MAP3K13: variants seen among roughly 807,000 people sequenced by gnomAD.
MAP3K13 encodes the protein mitogen-activated protein kinase kinase kinase 13, also known as leucine zipper-bearing kinase.
A neutral mutation model predicts 104.0 loss-of-function variants in MAP3K13; 52 were observed. That is an observed-to-expected ratio of 0.50 (90% CI 0.40 to 0.63). The LOEUF is 0.63. Among genes scored for constraint, MAP3K13 ranks in the 20% least tolerant of loss-of-function variants. MAP3K13 has a pLI of 0.00. For missense variants in MAP3K13, 914 were observed against 1,218.5 expected, an observed-to-expected ratio of 0.75 and a Z score of 3.72; for synonymous variants, 394 against 442.2, an observed-to-expected ratio of 0.89 and a Z score of 1.37.
chr3:185,454,615 T>TATATATGAGATATATATATGATATATAG (rs1560117022), intron 7 of MAP3K13, among the ~76,000 whole-genome samples: 1 of 46,906 alleles, frequency 2.1e-5, no homozygotes, highest in Non-Finnish European at 4.3e-5. Context: ...ATATATATGA[T>TATATATGAGATATATATATGATATATAG]ATATATATGA....
At chr3:185,455,696 TATATATGAGATATATATGAG>T (rs1716623668) in intron 7 of MAP3K13, among the ~76,000 whole-genome samples, 1 of 18,972 alleles carries the variant, frequency 5.3e-5, no homozygotes, top group East Asian at 1.4e-3. Flanking sequence ...ATATATGATA[TATATATGAGATATATATGAG>T]ATATATATGA....
chr3:185,311,638 C>T (rs916792509), intron 2 of MAP3K13, among the ~76,000 whole-genome samples: 1 of 152,158 alleles, frequency 6.6e-6, no homozygotes, highest in Non-Finnish European at 1.5e-5. Context: ...CTCAGAGTCC[C>T]CCAAATTGGT....
chr3:185,449,830 TA>T, intron 5 of MAP3K13, 69 bp from the exon 6 acceptor site: 1 of 1,378,676 alleles, frequency 7.3e-7, no homozygotes, highest in Non-Finnish European at 9.7e-7. Flanking sequence ...TGATTTCAAT[TA>T]ATAGAGAACT....
intron 2 of MAP3K13, among the ~76,000 whole-genome samples, chr3:185,349,331 T>C (rs895983054): frequency 2.6e-5 from 4 of 152,144 alleles, no homozygotes; most frequent in African/African-American, 7.2e-5. Flanking sequence ...TGTGTCCCCA[T>C]TGTTTAGCTC....
intron 1 of MAP3K13, among the ~76,000 whole-genome samples, chr3:185,414,952 G>A (rs762925221): frequency 3.3e-5 from 5 of 151,932 alleles, no homozygotes; most frequent in Non-Finnish European, 7.4e-5. Context: ...TGGGAGTATT[G>A]CTTGAGGCCA....
intron 9 of MAP3K13, among the ~76,000 whole-genome samples, chr3:185,466,369 C>CTTTTTTTT (rs59523963): frequency 8.2e-5 from 7 of 85,308 alleles, no homozygotes; most frequent in African/African-American, 8.9e-5. Context: ...TTAGTATTTC[C>CTTTTTTTT]TTTTTTTTTT....
chr3:185,446,231 T>C (rs1715583189), intron 4 of MAP3K13, among the ~76,000 whole-genome samples: 1 of 151,932 alleles, frequency 6.6e-6, no homozygotes, highest in Non-Finnish European at 1.5e-5. Context: ...TCAATTCTGA[T>C]ACTATTTGAG....
chr3:185,448,665 C>T (rs1449530162), intron 5 of MAP3K13, among the ~76,000 whole-genome samples: 2 of 152,264 alleles, frequency 1.3e-5, no homozygotes, highest in African/African-American at 2.4e-5. Context: ...TACTAAAGTA[C>T]CCTCCTTAGG....
rs80171201 is a variant in MAP3K13 at position 185,315,641 on chromosome 3, G to A, written c.-86+29998G>A. ...CAAAGAAATCCAAAACAAGCAAATT[G>A]TTTCACTATAACACTTAACAAATTT... On this transcript the variant is annotated intron_variant, in intron 2 of 14. Transcript: ENST00000424227. The surrounding 1 kb of genome is among the most constrained non-coding windows in gnomAD (Gnocchi z 4.3). Among the ~76,000 whole-genome samples the A allele has an allele frequency of 4.5e-3, 681 of 152,236 alleles. 3 individuals are homozygous for A. The highest frequency in any genetic ancestry group is 0.016 in the African/African-American group (644 of 41,528).
Position 185,473,172 on chromosome 3 carries a change from A to G in MAP3K13, c.1841A>G (p.Asn614Ser). The stretch of plus-strand genomic sequence containing the variant: ...TTGAAAAACCAGCCAGCCCAGGAAA[A>G]TTCACCCCATCCCACTTACCTGCAC... ...AILKNQPAQE[N>S]SPHPTYLHQA... The change falls in exon 11 of 14, where the codon AAT becomes AGT. Residue 614 changes from asparagine to serine, a missense_variant. By Grantham distance (46) the Asn-to-Ser change is conservative. Around this residue, in one of 3 missense-constraint regions of MAP3K13, gnomAD observed 583 missense variants for 737.4 expected, o/e 0.79. Coordinates refer to ENST00000265026, the MANE Select transcript of MAP3K13 (RefSeq NM_004721.5). The surrounding 1 kb of genome is among the most constrained non-coding windows in gnomAD (Gnocchi z 4.9). 1 of 1,614,032 alleles carries G rather than the reference A, an allele frequency of 6.2e-7. No individual in the cohort carries two copies. The highest frequency in any genetic ancestry group is 8.5e-7 in the Non-Finnish European group (1 of 1,180,014).
chr3:185,354,520 G>C (rs11713276), intron 2 of MAP3K13, among the ~76,000 whole-genome samples: 122,650 of 149,502 alleles, frequency 0.82, 51,370 homozygotes, highest in Non-Finnish European at 0.91. Context: ...ACATCTAAGT[G>C]CCCTGGAGAC....
intron 1 of MAP3K13, among the ~76,000 whole-genome samples, chr3:185,400,666 A>G (rs1482587997): frequency 6.6e-6 from 1 of 152,216 alleles, no homozygotes. Flanking sequence ...ACGTCTATAA[A>G]AGTCCTTGAA....
At chr3:185,395,618 A>G (rs1413281831) in intron 1 of MAP3K13, among the ~76,000 whole-genome samples, 2 of 151,294 alleles carry the variant, frequency 1.3e-5, no homozygotes, top group Non-Finnish European at 2.9e-5. Flanking sequence ...TCGGCCTCCC[A>G]AAGTGCTGGG....
At chr3:185,289,022 T>C (rs1053623931) in intron 2 of MAP3K13, among the ~76,000 whole-genome samples, 3 of 152,198 alleles carry the variant, frequency 2.0e-5, no homozygotes, top group Admixed American at 6.5e-5. Flanking sequence ...ACTCAACGTT[T>C]TGATCCTATA....
chr3:185,321,683 A>C (rs1345211944), intron 2 of MAP3K13, among the ~76,000 whole-genome samples: 2 of 152,216 alleles, frequency 1.3e-5, no homozygotes, highest in Admixed American at 1.3e-4. Context: ...GGCTCACTGT[A>C]ACCTCTGCCT....
intron 2 of MAP3K13, among the ~76,000 whole-genome samples, chr3:185,340,622 C>T (rs1722682689): frequency 6.6e-6 from 1 of 152,132 alleles, no homozygotes; most frequent in Non-Finnish European, 1.5e-5. Flanking sequence ...TGTCCCCACC[C>T]AAAATTTCAT....
chr3:185,347,441 T>A (rs1282860603), intron 2 of MAP3K13, among the ~76,000 whole-genome samples: 1 of 152,238 alleles, frequency 6.6e-6, no homozygotes, highest in Non-Finnish European at 1.5e-5. Flanking sequence ...CATTGCCTTA[T>A]TGATCATCAT....
intron 2 of MAP3K13, chr3:185,329,265 G>C (rs1213405619): frequency 1.4e-6 from 1 of 702,962 alleles, no homozygotes; most frequent in East Asian, 2.7e-5. Flanking sequence ...TATGTACCTA[G>C]TGCCGAGAGA....
intron 2 of MAP3K13, among the ~76,000 whole-genome samples, chr3:185,323,333 C>CTT (rs869206853): frequency 4.9e-4 from 66 of 134,300 alleles, no homozygotes; most frequent in African/African-American, 6.4e-4. Flanking sequence ...TTTGGCATAC[C>CTT]TTTTTTTTTT....
Sources: allele counts gnomAD v4.1 joint callset (sites outside exome capture counted in the v4.1 genomes callset), GRCh38; gene constraint gnomAD v4.1.1; regional missense constraint gnomAD v4.1.1; non-coding constraint Gnocchi (gnomAD v3.1); transcripts MANE v1.5; gene names NCBI Gene and HGNC (gene_info 2026-07-23, HGNC 2026-07-21).